Variants in NAV3 observed in about 807,000 individuals in gnomAD.
The protein encoded by NAV3 is pore membrane and/or filament interacting like protein 1.
In NAV3, 87 loss-of-function variants were observed where a neutral mutation model predicts 244.7. The observed-to-expected ratio is 0.36, with a 90% CI of 0.30 to 0.42. NAV3 has a LOEUF of 0.42. NAV3 is among the 20% of genes least tolerant of loss of function. The probability of loss-of-function intolerance (pLI) is 1.00; values close to 1 mark genes in which losing one functional copy is unlikely to be tolerated. For synonymous variants in NAV3, 1,126 were observed against 1,042.2 expected, an observed-to-expected ratio of 1.08 and a Z score of -1.55; for missense variants, 2,663 against 2,893.3, an observed-to-expected ratio of 0.92 and a Z score of 1.83.
intron 20 of NAV3, among the ~76,000 whole-genome samples, chr12:78,141,589 T>C (rs1956617241): frequency 6.6e-6 from 1 of 152,198 alleles, no homozygotes; most frequent in Non-Finnish European, 1.5e-5. Flanking sequence ...ATATATTTAC[T>C]GCCTTACATA....
intron 2 of NAV3, among the ~76,000 whole-genome samples, chr12:77,633,707 T>G (rs1872022236): frequency 6.6e-6 from 1 of 152,166 alleles, no homozygotes; most frequent in African/African-American, 2.4e-5. Context: ...TTTAAAGTAT[T>G]AGATAATTCT....
At chr12:78,164,089 A>G (rs772868246) in intron 23 of NAV3, among the ~76,000 whole-genome samples, 1 of 152,106 alleles carries the variant, frequency 6.6e-6, no homozygotes. Context: ...TATAAGTAAC[A>G]TTTTTACAGA....
chr12:78,162,396 TGATA>T (rs1957581761), intron 23 of NAV3, among the ~76,000 whole-genome samples: 1 of 152,056 alleles, frequency 6.6e-6, no homozygotes, highest in African/African-American at 2.4e-5. Context: ...AGATATAGAA[TGATA>T]GATATAGGTC....
chr12:78,176,552 C>T (rs1343396177), intron 26 of NAV3, 93 bp downstream of exon 26: 2 of 1,126,980 alleles, frequency 1.8e-6, no homozygotes, highest in South Asian at 2.7e-5. Flanking sequence ...GCTTTTATAC[C>T]TTTTAAAACA....
intron 2 of NAV3, among the ~76,000 whole-genome samples, chr12:77,634,940 G>A (rs879729796): frequency 6.6e-6 from 1 of 152,028 alleles, no homozygotes; most frequent in Admixed American, 6.6e-5. Flanking sequence ...AAGAAATAGG[G>A]TCTTGTGGCT....
chr12:78,177,376 T>C, intron 27 of NAV3, 63 bp downstream of exon 27: 1 of 1,528,314 alleles, frequency 6.5e-7, no homozygotes. Flanking sequence ...ATGAAGGCCT[T>C]ATTTATGTTC....
rs1593466783 is a variant in NAV3 at position 78,071,496 on chromosome 12, T to C, written c.2636+12381T>C. Among the ~76,000 whole-genome samples, 7 of 152,134 alleles carry C rather than the reference T, an allele frequency of 4.6e-5. No homozygotes were observed. In the South Asian group the frequency reaches 1.5e-3, roughly 32 times the overall value. On this transcript the variant is annotated intron_variant, in intron 12 of 39. Coordinates refer to ENST00000397909, the MANE Select transcript of NAV3 (RefSeq NM_001024383.2). ...TAGGTTGCGAAAATTTTCTCCCATT[T>C]TGTAGGTTGCCTGTTCACTCTGATG...
chr12:77,959,180 G>C lies in NAV3; in HGVS notation c.415-7049G>C, dbSNP rs182497218. ...AATTTACAAGTTTTGCTACAAATTG[G>C]AATCACCTGCAGATTTGTAATGTAT... On this transcript the variant is annotated intron_variant, in intron 3 of 39. Transcript: ENST00000397909. Among the ~76,000 whole-genome samples, 557 of 152,182 alleles carry C rather than the reference G, an allele frequency of 3.7e-3. 1 individual carries two copies. The highest frequency in any genetic ancestry group is 0.013 in the African/African-American group (523 of 41,524).
At chr12:78,013,962 G>T (rs1375771546) in intron 8 of NAV3, among the ~76,000 whole-genome samples, 1 of 151,742 alleles carries the variant, frequency 6.6e-6, no homozygotes, top group African/African-American at 2.4e-5. Context: ...TTTCCTGCCT[G>T]GAGTTCAAAT....
chr12:78,137,481 T>C, intron 19 of NAV3, 116 bp downstream of exon 19: 2 of 1,055,894 alleles, frequency 1.9e-6, no homozygotes, highest in Non-Finnish European at 2.6e-6. Context: ...AGTGTAATTA[T>C]CATTTGGGAA....
intron 2 of NAV3, among the ~76,000 whole-genome samples, chr12:77,696,671 G>C (rs1428280240): frequency 6.6e-6 from 1 of 152,152 alleles, no homozygotes; most frequent in Non-Finnish European, 1.5e-5. Context: ...TAATATACCA[G>C]ACTAGCCCTT....
chr12:77,692,258 G>A (rs1005498927), intron 2 of NAV3, among the ~76,000 whole-genome samples: 2 of 152,006 alleles, frequency 1.3e-5, no homozygotes, highest in African/African-American at 4.8e-5. Context: ...AATGTTCCAT[G>A]AGGAATCCAT....
At chr12:78,049,651 T>A (rs1882434975) in intron 9 of NAV3, among the ~76,000 whole-genome samples, 1 of 152,178 alleles carries the variant, frequency 6.6e-6, no homozygotes, top group Non-Finnish European at 1.5e-5. Context: ...GCTGTTCCTA[T>A]TCAGCCATCT....
intron 2 of NAV3, among the ~76,000 whole-genome samples, chr12:77,769,941 T>C (rs1869991007): frequency 6.6e-6 from 1 of 152,238 alleles, no homozygotes; most frequent in African/African-American, 2.4e-5. Context: ...ATATTTTTTT[T>C]CTTTTTCAAA....
At position 78,059,044 on chromosome 12, in the gene NAV3, A is replaced by T. The variant is rs779905201; in HGVS notation, c.2565A>T (p.Arg855=). The change falls in exon 12 of 40, where the codon CGA becomes CGT. Residue 855 remains arginine (R), a synonymous_variant. Transcript: ENST00000397909. The part of the protein sequence containing the change: ...GLNLYTRSLN[R]IPDTATSRDI... ...ACCTATATACTAGAAGTCTGAACCG[A>T]ATACCAGACACAGCAACTTCCCGGG... 3 of 1,611,134 alleles carry T rather than the reference A, an allele frequency of 1.9e-6. No homozygotes were observed. Among genetic ancestry groups the T allele is most frequent in the Admixed American group, 3.4e-5 (2 of 59,616 alleles).
At position 77,646,470 on chromosome 12, in the gene NAV3, CTCTT is replaced by C. The variant is rs1354215691; in HGVS notation, c.72+74211_72+74214del. ...AGGTGAAGAAGGCGTTCTTCTCTCT[CTCTT>C]TCTTTCCCTTAAACCCAAATCTCCT... is the stretch of plus-strand genomic sequence containing the variant. On this transcript the variant is annotated intron_variant, in intron 2 of 8. Transcript: ENST00000550042. 3.9e-5 allele frequency among the ~76,000 whole-genome samples: 6 copies of C among 152,268 alleles called. No homozygotes were observed. In the East Asian group the frequency reaches 1.2e-3, roughly 29 times the overall value.
At chr12:78,158,801 T>G (rs1957409497) in intron 22 of NAV3, among the ~76,000 whole-genome samples, 1 of 152,148 alleles carries the variant, frequency 6.6e-6, no homozygotes, top group African/African-American at 2.4e-5. Context: ...AGTATAAAAA[T>G]GAGGAATATT....
At chr12:77,574,658 T>C (rs148920846) in intron 2 of NAV3, among the ~76,000 whole-genome samples, 3 of 152,280 alleles carry the variant, frequency 2.0e-5, no homozygotes, top group Non-Finnish European at 2.9e-5. Context: ...ATTGTACACA[T>C]TCAAAGCAAG....
In NAV3 at chr12:78,048,606, G is replaced by A. The variant is rs376680935; in HGVS notation, c.2024-1387G>A. 3.3e-4 allele frequency among the ~76,000 whole-genome samples: 50 copies of A among 152,314 alleles called. No homozygotes were observed. In the East Asian group the frequency reaches 5.6e-3, roughly 17 times the overall value. ...CCTCTGGAAGCTTCATCCCAGAGGG[G>A]CACTTGCCAGATGCCTGCTAGAGCT... On this transcript the variant is annotated intron_variant, in intron 9 of 39. Transcript: ENST00000397909.
Sources: allele counts gnomAD v4.1 joint callset (sites outside exome capture counted in the v4.1 genomes callset), GRCh38; gene constraint gnomAD v4.1.1; transcripts MANE v1.5; gene names NCBI Gene and HGNC (gene_info 2026-07-23, HGNC 2026-07-21).